THADA: variants seen among roughly 807,000 people sequenced by gnomAD.
THADA encodes THADA armadillo repeat containing.
In THADA, 213 loss-of-function variants were observed where a neutral mutation model predicts 219.8. That is an observed-to-expected ratio of 0.97 (90% CI 0.87 to 1.09). The LOEUF is 1.09. Among genes scored for constraint, THADA ranks in the 50% least tolerant of loss-of-function variants. THADA has a pLI of 0.00. For missense variants in THADA, 2,956 were observed against 2,311.3 expected (o/e 1.28, Z -5.72); for synonymous variants, 1,018 against 828.9 (o/e 1.23, Z -3.92).
chr2:43,460,266 A>C (rs1289633166), intron 26 of THADA, among the ~76,000 whole-genome samples: 2 of 146,788 alleles, frequency 1.4e-5, no homozygotes, highest in Non-Finnish European at 3.0e-5. Flanking sequence ...AAAAAAAAAA[A>C]AGTAAGCCAG....
intron 29 of THADA, among the ~76,000 whole-genome samples, chr2:43,358,404 T>G (rs2104580371): frequency 6.6e-6 from 1 of 152,120 alleles, no homozygotes; most frequent in South Asian, 2.1e-4. Flanking sequence ...CTTTGACTTT[T>G]CAGTTCTGTG....
intron 13 of THADA, among the ~76,000 whole-genome samples, chr2:43,570,809 C>T (rs1203273503): frequency 1.3e-5 from 2 of 149,168 alleles, no homozygotes; most frequent in Non-Finnish European, 3.0e-5. Flanking sequence ...AATGTGTGTG[C>T]AATTAATTCA....
chr2:43,294,722 C>A (rs1279336016), intron 31 of THADA, among the ~76,000 whole-genome samples: 1 of 151,928 alleles, frequency 6.6e-6, no homozygotes, highest in Non-Finnish European at 1.5e-5. Flanking sequence ...ACTACTGCAC[C>A]GTAGTCCAGG....
At chr2:43,313,513 T>G (rs1203950856) in intron 31 of THADA, among the ~76,000 whole-genome samples, 6 of 152,246 alleles carry the variant, frequency 3.9e-5, no homozygotes, top group Non-Finnish European at 8.8e-5. Flanking sequence ...AGCCTGGTAT[T>G]AGGAAGTGTT....
chr2:43,355,642 C>T (rs1326761244), intron 29 of THADA, among the ~76,000 whole-genome samples: 1 of 152,084 alleles, frequency 6.6e-6, no homozygotes, highest in Non-Finnish European at 1.5e-5. Context: ...CTTATGTTTA[C>T]ATCTTTTATC....
At chr2:43,386,394 CTTT>C (rs1274289563) in intron 29 of THADA, among the ~76,000 whole-genome samples, 1 of 151,518 alleles carries the variant, frequency 6.6e-6, no homozygotes, top group South Asian at 2.1e-4. Flanking sequence ...TGTAGTTTTC[CTTT>C]TTTTCCCCAA....
intron 19 of THADA, among the ~76,000 whole-genome samples, chr2:43,550,794 C>A (rs932677153): frequency 3.3e-5 from 5 of 152,144 alleles, no homozygotes; most frequent in African/African-American, 1.2e-4. Context: ...GTTCCTTATT[C>A]TTATGCACTG....
chr2:43,233,603 T>C (rs1667694344), intron 36 of THADA, among the ~76,000 whole-genome samples: 1 of 152,172 alleles, frequency 6.6e-6, no homozygotes, highest in African/African-American at 2.4e-5. Flanking sequence ...AGTTTTTTGT[T>C]TTTGGACCCT....
chr2:43,387,599 G>A (rs527594867), intron 29 of THADA, among the ~76,000 whole-genome samples: 1 of 151,796 alleles, frequency 6.6e-6, no homozygotes, highest in South Asian at 2.1e-4. Context: ...GGATGATGGG[G>A]AAAATCCATA....
At position 43,293,152 on chromosome 2, in the gene THADA, T is replaced by C. The variant is rs779418362; in HGVS notation, c.4500A>G (p.Ile1500Met). The stretch of plus-strand genomic sequence containing the variant: ...CCTTGAAGGCCCAAGGGAATCCCGT[T>C]ATCAGCTCTGATCCTGAGATAATCC... ...VRGIISGSEL[I>M]TGFPWAFKVP... The change falls in exon 32 of 38, where the codon ATA (isoleucine) becomes ATG (methionine). Residue 1500 changes from isoleucine to methionine, a missense_variant. Ile to Met is a conservative substitution (Grantham distance 10). Coordinates refer to ENST00000405975, the MANE Select transcript of THADA (RefSeq NM_022065.5). 9.9e-6 allele frequency: 16 copies of C among 1,613,878 alleles called. No individual in the cohort carries two copies. The highest frequency in any genetic ancestry group is 1.6e-4 in the Middle Eastern group (1 of 6,084).
intron 28 of THADA, among the ~76,000 whole-genome samples, chr2:43,413,824 T>C (rs1676609161): frequency 6.6e-6 from 1 of 152,198 alleles, no homozygotes; most frequent in South Asian, 2.1e-4. Context: ...TAATGCTTTA[T>C]ATGCAACAGC....
chr2:43,296,928 G>T (rs1192530782), intron 31 of THADA, among the ~76,000 whole-genome samples: 2 of 149,628 alleles, frequency 1.3e-5, no homozygotes, highest in Admixed American at 6.6e-5. Context: ...GCCTCCCAAA[G>T]TGCCGAGATT....
At chr2:43,293,246 T>C (rs1306522692) in intron 31 of THADA, 33 bp from the exon 32 acceptor site, 3 of 1,568,402 alleles carry the variant, frequency 1.9e-6, no homozygotes, top group Non-Finnish European at 2.6e-6. Flanking sequence ...GGGAAAGAGA[T>C]AATCACTTTA....
rs528278609 is a variant in THADA at position 43,287,016 on chromosome 2, C to T, written c.5056G>A (p.Val1686Ile). 6.8e-6 allele frequency: 11 copies of T among 1,613,864 alleles called. No homozygotes were observed. Among genetic ancestry groups the T allele is most frequent in the South Asian group, 3.3e-5 (3 of 91,058 alleles). ...AGATGGTCTTCACATGACAAGATGA[C>T]CAGCTGAACCCACTGCTTCAGCTCA... ...AAELKQWVQL[V>I]ILSCEDHLPT... The change falls in exon 35 of 38, where the codon GTC becomes ATC. Residue 1686 changes from valine (V) to isoleucine (I), a missense_variant. Val to Ile is a conservative substitution (Grantham distance 29, BLOSUM62 3). Coordinates refer to ENST00000405975, the MANE Select transcript of THADA (RefSeq NM_022065.5).
intron 15 of THADA, chr2:43,566,160 A>C: frequency 2.9e-6 from 1 of 348,420 alleles, no homozygotes; most frequent in Non-Finnish European, 5.2e-6. Flanking sequence ...TCAAAGAGGG[A>C]ACTGAAATTT....
intron 29 of THADA, among the ~76,000 whole-genome samples, chr2:43,349,968 T>C (rs1668066261): frequency 6.6e-6 from 1 of 152,218 alleles, no homozygotes; most frequent in African/African-American, 2.4e-5. Flanking sequence ...GCTAAGTCAG[T>C]GCCACATTTT....
intron 26 of THADA, among the ~76,000 whole-genome samples, chr2:43,452,044 T>C (rs1016730683): frequency 1.3e-5 from 2 of 152,104 alleles, no homozygotes; most frequent in African/African-American, 4.8e-5. Context: ...GAGGTAGAGG[T>C]TGCAGTGAGC....
chr2:43,390,838 G>A (rs964592521), intron 29 of THADA, among the ~76,000 whole-genome samples: 3 of 152,104 alleles, frequency 2.0e-5, no homozygotes, highest in African/African-American at 7.2e-5. Context: ...AGCAGTTGTC[G>A]AATGAATAAA....
intron 24 of THADA, among the ~76,000 whole-genome samples, chr2:43,499,193 G>C (rs998750938): frequency 4.6e-5 from 7 of 152,118 alleles, no homozygotes; most frequent in African/African-American, 1.7e-4. Flanking sequence ...GACATATGTA[G>C]AAGCCTGCAC....
Sources: gnomAD v4.1 joint callset for allele counts (sites outside exome capture counted in the v4.1 genomes callset) on GRCh38, gnomAD v4.1.1 for gene constraint, MANE v1.5 for transcripts, NCBI Gene and HGNC (gene_info 2026-07-23, HGNC 2026-07-21) for gene names.